NLRC3: variants seen among roughly 807,000 people sequenced by gnomAD.
NLRC3 encodes NLR family CARD domain-containing protein 3.
NLRC3 carries 87 observed loss-of-function variants against 91.6 expected under a neutral mutation model. The observed-to-expected ratio is 0.95, with a 90% confidence interval of 0.80 to 1.14. The LOEUF (loss-of-function observed/expected upper bound fraction) is 1.14. Among genes scored for constraint, NLRC3 ranks in the 50% most tolerant of loss-of-function variants. The probability of loss-of-function intolerance (pLI) is 0.00; values close to 1 mark genes in which losing one functional copy is unlikely to be tolerated. For missense variants in NLRC3, 1,577 were observed against 1,418.6 expected, an observed-to-expected ratio of 1.11 and a Z score of -1.79; for synonymous variants, 694 against 625.3, an observed-to-expected ratio of 1.11 and a Z score of -1.64.
chr16:3,559,102 T>C (rs1391009793), intron 6 of NLRC3, among the ~76,000 whole-genome samples: 1 of 152,194 alleles, frequency 6.6e-6, no homozygotes, highest in Non-Finnish European at 1.5e-5. Context: ...TGAAGCAAAC[T>C]GTTCACTGGA....
At chr16:3,557,777 A>G (rs1366610643) in intron 6 of NLRC3, 101 bp from the exon 7 acceptor site, 6 of 742,744 alleles carry the variant, frequency 8.1e-6, no homozygotes, top group South Asian at 1.6e-5. Flanking sequence ...GCTCCCCCAC[A>G]TCATCAGGGT....
At chr16:3,547,907 A>T (rs1027195182) in intron 15 of NLRC3, among the ~76,000 whole-genome samples, 1 of 152,146 alleles carries the variant, frequency 6.6e-6, no homozygotes, top group African/African-American at 2.4e-5. Context: ...GACACCTCAG[A>T]TGATCCACAT....
At position 3,544,278 on chromosome 16, in the gene NLRC3, T is replaced by C. The variant is rs367977082; in HGVS notation, c.2823A>G (p.Ala941=). The C allele has an allele frequency of 1.1e-5, 17 of 1,613,100 alleles. No homozygotes were observed. The African/African-American group carries it at 2.0e-4, about 19-fold the overall frequency. The change falls in exon 16 of 20, where the codon GCA becomes GCG. Residue 941 remains alanine (A), a synonymous_variant. Transcript: ENST00000359128. ...GDDGACAVAR[A]LKVNTALTAL... ...CAGTGAGGGCTGTGTTGACCTTCAG[T>C]GCACGGGCCACCGCACACGCTCCGT...
rs2040330285 is a variant in NLRC3 at position 3,577,010 on chromosome 16, G to T, written c.-169+139C>A. On this transcript the variant is annotated intron_variant, in intron 1 of 19. Transcript: ENST00000359128. ...ACAGCATGAGCCAGTCCTGCCCCAG[G>T]AGACAGCTTCTTGGAGTCTCGTGGA... is the stretch of plus-strand genomic sequence containing the variant. The T allele has an allele frequency of 7.4e-6, 5 of 671,394 alleles. No homozygotes were observed. In the Middle Eastern group the frequency reaches 1.5e-3, roughly 202 times the overall value. The allele number at this position is 671,394 out of a possible 1,614,324, so 41.6% of individuals were successfully genotyped here.
Position 3,542,291 on chromosome 16 carries a change from T to C in NLRC3, c.3024-17A>G, listed in dbSNP as rs1567455422. 1.3e-6 allele frequency: 2 copies of C among 1,496,724 alleles called. No homozygotes were observed. Among genetic ancestry groups the C allele is most frequent in the Admixed American group, 1.8e-5 (1 of 54,806 alleles). 92.7% of individuals were successfully genotyped at this position (1,496,724 alleles called of 1,614,324 possible). On this transcript the variant is annotated splice_polypyrimidine_tract_variant and intron_variant, in intron 18 of 19. Coordinates refer to ENST00000359128, the MANE Select transcript of NLRC3 (RefSeq NM_178844.4). ...TCTTGAAGACTAAGTGGAAAAGAGA[T>C]GGAGACACACGGTGAGCCATCAGGG...
chr16:3,547,401 C>T (rs541744642), intron 15 of NLRC3, among the ~76,000 whole-genome samples: 1 of 151,808 alleles, frequency 6.6e-6, no homozygotes, highest in East Asian at 1.9e-4. Flanking sequence ...TAGTGGTTGC[C>T]AGGGTTGGGG....
chr16:3,556,888 C>T, intron 8 of NLRC3, 23 bp downstream of exon 8: 1 of 1,568,842 alleles, frequency 6.4e-7, no homozygotes, highest in Non-Finnish European at 8.8e-7. Context: ...GGGGTCACAA[C>T]ACAGGGAGCA....
chr16:3,567,665 G>C (rs997000471), intron 1 of NLRC3, among the ~76,000 whole-genome samples: 3 of 149,084 alleles, frequency 2.0e-5, no homozygotes, highest in African/African-American at 7.4e-5. Flanking sequence ...CCAGGTACTC[G>C]AGAGGCTGAG....
rs375766098 is a variant in NLRC3 at position 3,563,788 on chromosome 16, G to A, written c.1149C>T (p.Ser383=). 9.9e-5 allele frequency: 160 copies of A among 1,612,266 alleles called. No individual in the cohort carries two copies. The highest frequency in any genetic ancestry group is 1.6e-4 in the Middle Eastern group (1 of 6,082). Residue 383 remains serine (S), a synonymous_variant, in exon 5 of 20, where the codon AGC becomes AGT. Transcript: ENST00000359128. ...CATGGGCCACCTGCTCGATGCGAGG[G>A]CTTGCCTTGCCCTTCTCCTGCCCCT... The part of the protein sequence containing the change: ...SGEGQEKGKA[S]PRIEQVAHGG...
At position 3,564,571 on chromosome 16, in the gene NLRC3, G is replaced by A. The variant is rs773356010; in HGVS notation, c.366C>T (p.Val122=). The A allele has an allele frequency of 2.7e-5, 44 of 1,611,562 alleles. 1 individual carries two copies. In the East Asian group the frequency reaches 4.0e-4, roughly 15 times the overall value. The change falls in exon 5 of 20, where the codon GTC becomes GTT. Residue 122 remains valine (V), a synonymous_variant. Transcript: ENST00000359128. This position sits in a 1 kb window ranked among gnomAD's most constrained non-coding sequence, Gnocchi z 5.9. ...TRGGGHPART[V]ALDRLFLPLS... ...GAGGCAGGAAGAGCCGGTCCAGGGC[G>A]ACGGTCCTGGCGGGGTGCCCGCCCC...
chr16:3,571,615 TTAAA>T (rs2040100135), intron 1 of NLRC3, among the ~76,000 whole-genome samples: 1 of 151,288 alleles, frequency 6.6e-6, no homozygotes, highest in South Asian at 2.1e-4. Flanking sequence ...AATTAAAATA[TTAAA>T]TAATTAAATA....
At chr16:3,545,316 T>C (rs2151081895) in intron 15 of NLRC3, 1 of 151,940 alleles carries the variant, frequency 6.6e-6, no homozygotes, top group East Asian at 2.0e-4. Flanking sequence ...GTGGGTGTAT[T>C]TTTAGTAGAG....
In NLRC3 at chr16:3,541,625, C is replaced by T. The variant is rs1567453510; in HGVS notation, c.*200G>A. 1.7e-6 allele frequency: 1 copy of T among 592,460 alleles called. No homozygotes were observed. Among genetic ancestry groups the T allele is most frequent in the Admixed American group, 3.0e-5 (1 of 33,864 alleles). The allele number at this position is 592,460 out of a possible 1,614,324, so 36.7% of individuals were successfully genotyped here. A position where few individuals can be genotyped will look rare whatever the true frequency, so the allele number is the denominator to read the frequency against. On this transcript the variant is annotated 3_prime_UTR_variant, in exon 20 of 20. Coordinates refer to ENST00000359128, the MANE Select transcript of NLRC3 (RefSeq NM_178844.4). ...GTGCCATAACAGAGTACCCGTCACC[C>T]CCTGCCTGGACCACTCCTGCAGCAG...
intron 15 of NLRC3, among the ~76,000 whole-genome samples, chr16:3,547,614 G>A (rs2038760894): frequency 2.0e-5 from 3 of 151,976 alleles, no homozygotes; most frequent in Non-Finnish European, 2.9e-5. Flanking sequence ...GTGTATATAT[G>A]TATATGTGTA....
chr16:3,574,944 A>G (rs2040230657), intron 1 of NLRC3, among the ~76,000 whole-genome samples: 1 of 148,582 alleles, frequency 6.7e-6, no homozygotes, highest in African/African-American at 2.6e-5. Flanking sequence ...CCTGGGTGAC[A>G]GAGCGAGACT....
At chr16:3,549,289 C>T in intron 12 of NLRC3, 64 bp from the exon 13 acceptor site, 1 of 1,250,796 alleles carries the variant, frequency 8.0e-7, no homozygotes, top group East Asian at 2.5e-5. Flanking sequence ...AAAGCCAAGC[C>T]CAGGTGTTTA....
At chr16:3,542,989 G>A in intron 17 of NLRC3, 1 of 565,776 alleles carries the variant, frequency 1.8e-6, no homozygotes. Context: ...AGCCAGGAGG[G>A]TTGTTGGAGC....
chr16:3,565,933 G>C (rs556287656), intron 2 of NLRC3, among the ~76,000 whole-genome samples: 6 of 151,394 alleles, frequency 4.0e-5, no homozygotes, highest in African/African-American at 4.9e-5. Context: ...CCAGCTACTT[G>C]GGAGGCCAAG....
intron 1 of NLRC3, among the ~76,000 whole-genome samples, chr16:3,571,095 C>T (rs1174969913): frequency 6.6e-6 from 1 of 152,008 alleles, no homozygotes; most frequent in East Asian, 1.9e-4. Flanking sequence ...AATATCTACA[C>T]ATTAAGGAGT....
Sources: gnomAD v4.1 joint callset for allele counts (sites outside exome capture counted in the v4.1 genomes callset) on GRCh38, gnomAD v4.1.1 for gene constraint, Gnocchi (gnomAD v3.1) non-coding constraint, MANE v1.5 for transcripts, NCBI Gene and HGNC (gene_info 2026-07-23, HGNC 2026-07-21) for gene names.